The following WWOX variants were observed in gnomAD, a reference collection of about 807,000 sequenced individuals.
WWOX encodes WW domain containing oxidoreductase, also known as WW domain-containing oxidoreductase.
WWOX carries 69 observed loss-of-function variants against 46.2 expected under a neutral mutation model. That is an observed-to-expected ratio of 1.49 (90% CI 1.23 to 1.82). The LOEUF is 1.82. WWOX is among the 40% of genes most tolerant of loss of function. The pLI is 0.00. For missense variants in WWOX, 919 were observed against 542.6 expected, an observed-to-expected ratio of 1.69 and a Z score of -6.89; for synonymous variants, 359 against 202.6, an observed-to-expected ratio of 1.77 and a Z score of -6.56.
At chr16:78,139,970 C>G (rs770732417) in intron 4 of WWOX, among the ~76,000 whole-genome samples, 1 of 152,136 alleles carries the variant, frequency 6.6e-6, no homozygotes, top group African/African-American at 2.4e-5. Context: ...ACAAGGGCGT[C>G]CCATAAGTTT....
At chr16:78,855,304 G>A (rs2052541184) in intron 8 of WWOX, among the ~76,000 whole-genome samples, 1 of 152,066 alleles carries the variant, frequency 6.6e-6, no homozygotes, top group South Asian at 2.1e-4. Flanking sequence ...CTTGAAATTA[G>A]CTTACTGAAT....
chr16:78,790,906 C>T (rs1459605328), intron 8 of WWOX, among the ~76,000 whole-genome samples: 1 of 149,896 alleles, frequency 6.7e-6, no homozygotes. Flanking sequence ...GTGGTCCCAG[C>T]TACTCAGGAG....
In WWOX at chr16:78,339,132, ATC is replaced by A. The variant is rs1209200350; in HGVS notation, c.517-47727_517-47726del. 5.8e-5 allele frequency among the ~76,000 whole-genome samples: 7 copies of A among 120,188 alleles called. 3 individuals are homozygous for A. The highest frequency in any genetic ancestry group is 2.0e-4 in the African/African-American group (7 of 35,522). 78.8% of individuals were successfully genotyped at this position (120,188 alleles called of 152,430 possible). ...TTCTGCATCATATCCATATAGTGATATCATGTATAATGATGTTTAAGAAGACA... is the reference window on the plus strand; with the variant it reads ...TTCTGCATCATATCCATATAGTGATAATGTATAATGATGTTTAAGAAGACA... On this transcript the variant is annotated intron_variant, in intron 5 of 8. Coordinates refer to ENST00000566780, the MANE Select transcript of WWOX (RefSeq NM_016373.4).
chr16:78,967,661 G>C (rs28584227), intron 8 of WWOX, among the ~76,000 whole-genome samples: 1 of 152,002 alleles, frequency 6.6e-6, no homozygotes, highest in Non-Finnish European at 1.5e-5. Flanking sequence ...GTGTCATTCA[G>C]ATTTAGCTTG....
chr16:79,050,239 CCT>C (rs1491139952), intron 8 of WWOX, among the ~76,000 whole-genome samples: 1 of 152,158 alleles, frequency 6.6e-6, no homozygotes, highest in African/African-American at 2.4e-5. Flanking sequence ...GGGGCTTCCC[CCT>C]GTGTCTGTGG....
At chr16:79,168,964 C>A (rs1309262952) in intron 8 of WWOX, among the ~76,000 whole-genome samples, 1 of 152,236 alleles carries the variant, frequency 6.6e-6, no homozygotes, top group Non-Finnish European at 1.5e-5. Flanking sequence ...AACTGGCCCA[C>A]TGTAAAAATC....
At chr16:78,422,738 CATATAT>C (rs575231968) in intron 6 of WWOX, among the ~76,000 whole-genome samples, 1 of 101,428 alleles carries the variant, frequency 9.9e-6, no homozygotes, top group African/African-American at 7.0e-5. Flanking sequence ...TATACACACA[CATATAT>C]ATACACATAT....
At chr16:78,378,936 A>T (rs1418298209) in intron 5 of WWOX, among the ~76,000 whole-genome samples, 1 of 152,226 alleles carries the variant, frequency 6.6e-6, no homozygotes, top group Non-Finnish European at 1.5e-5. Context: ...TTACGTCTTC[A>T]AGAATATGAC....
chr16:78,916,546 A>T (rs192205728), intron 8 of WWOX, among the ~76,000 whole-genome samples: 217 of 152,290 alleles, frequency 1.4e-3, no homozygotes, highest in Admixed American at 2.6e-3. Context: ...CATCCAATGG[A>T]TTTTGAATAC....
chr16:79,207,215 G>C (rs547275454), intron 8 of WWOX, among the ~76,000 whole-genome samples: 2 of 152,190 alleles, frequency 1.3e-5, no homozygotes, highest in Admixed American at 6.5e-5. Context: ...GTTCCTAGTG[G>C]TGTATTCACA....
chr16:78,838,551 A>G (rs2052052570), intron 8 of WWOX, among the ~76,000 whole-genome samples: 1 of 152,232 alleles, frequency 6.6e-6, no homozygotes, highest in Non-Finnish European at 1.5e-5. Flanking sequence ...ATAAAAATAG[A>G]AAACAGATGG....
chr16:79,116,068 C>T (rs1337750182), intron 8 of WWOX, among the ~76,000 whole-genome samples: 4 of 152,122 alleles, frequency 2.6e-5, no homozygotes, highest in African/African-American at 9.7e-5. Context: ...TGTAAGAAAA[C>T]AATGTACATA....
At chr16:78,305,562 C>G (rs1294048404) in intron 5 of WWOX, among the ~76,000 whole-genome samples, 2 of 152,090 alleles carry the variant, frequency 1.3e-5, no homozygotes, top group African/African-American at 4.8e-5. Flanking sequence ...AAGCCCCAGA[C>G]CATTCCCGTT....
At chr16:79,126,405 A>T (rs1265460537) in intron 8 of WWOX, among the ~76,000 whole-genome samples, 1 of 152,154 alleles carries the variant, frequency 6.6e-6, no homozygotes, top group Non-Finnish European at 1.5e-5. Flanking sequence ...TAATTTGATC[A>T]TGGGGGTGGT....
intron 8 of WWOX, among the ~76,000 whole-genome samples, chr16:78,724,847 C>G (rs923433313): frequency 6.6e-6 from 1 of 152,170 alleles, no homozygotes; most frequent in Non-Finnish European, 1.5e-5. Flanking sequence ...CTGATTCTTA[C>G]CTCTAAGAGT....
chr16:78,306,924 C>T (rs559161467), intron 5 of WWOX, among the ~76,000 whole-genome samples: 19 of 152,340 alleles, frequency 1.2e-4, no homozygotes, highest in African/African-American at 4.1e-4. Context: ...AGTCTGCCCA[C>T]TCTCCTTATG....
intron 8 of WWOX, among the ~76,000 whole-genome samples, chr16:78,541,427 GCC>G (rs1567631981): frequency 1.3e-4 from 17 of 126,812 alleles, no homozygotes; most frequent in African/African-American, 5.2e-4. Flanking sequence ...TGAGCCGAGA[GCC>G]CGCCACTGCA....
At chr16:78,964,295 A>T (rs1380472010) in intron 8 of WWOX, among the ~76,000 whole-genome samples, 1 of 152,238 alleles carries the variant, frequency 6.6e-6, no homozygotes, top group Non-Finnish European at 1.5e-5. Flanking sequence ...GGCTTTGCCC[A>T]AAATGCTGAT....
intron 8 of WWOX, among the ~76,000 whole-genome samples, chr16:78,697,551 G>C (rs188239844): frequency 5.3e-5 from 8 of 152,056 alleles, no homozygotes; most frequent in African/African-American, 1.7e-4. Flanking sequence ...ACTCAAATTA[G>C]CAAGAAAAAA....
Sources: gnomAD v4.1 joint callset for allele counts (sites outside exome capture counted in the v4.1 genomes callset) on GRCh38, gnomAD v4.1.1 for gene constraint, MANE v1.5 for transcripts, NCBI Gene and HGNC (gene_info 2026-07-23, HGNC 2026-07-21) for gene names.